The following NXPH1 variants were observed in gnomAD, a reference collection of about 807,000 sequenced individuals.
The protein encoded by NXPH1 is neurexophilin-1.
In NXPH1, 5 loss-of-function variants were observed where a neutral mutation model predicts 23.7. The observed-to-expected ratio is 0.21, with a 90% CI of 0.11 to 0.44. The LOEUF (loss-of-function observed/expected upper bound fraction) is 0.44, where lower values mean the gene tolerates loss of function less well. Ranked by LOEUF, NXPH1 falls within the 20% of genes least tolerant of loss-of-function variation. The pLI, the probability that NXPH1 is intolerant of heterozygous loss-of-function variation, is 0.99. For missense variants in NXPH1, 324 were observed against 321.6 expected (o/e 1.01, Z -0.06); for synonymous variants, 144 against 122.2 (o/e 1.18, Z -1.18).
intron 2 of NXPH1, among the ~76,000 whole-genome samples, chr7:8,598,460 CT>C (rs1819278133): frequency 1.3e-5 from 2 of 152,232 alleles, no homozygotes; most frequent in South Asian, 2.1e-4. Flanking sequence ...AGAAGGGAAG[CT>C]GCTATCTTTG....
At chr7:8,488,737 T>A (rs1419941256) in intron 2 of NXPH1, among the ~76,000 whole-genome samples, 1 of 152,172 alleles carries the variant, frequency 6.6e-6, no homozygotes, top group African/African-American at 2.4e-5. Context: ...AGTTTCTACA[T>A]CTGTAAAATG....
intron 2 of NXPH1, among the ~76,000 whole-genome samples, chr7:8,547,048 A>T (rs527331760): frequency 6.6e-6 from 1 of 151,520 alleles, no homozygotes; most frequent in East Asian, 2.0e-4. Flanking sequence ...CTAAACTGAG[A>T]TGGTTAGCAA....
rs141398091 is a variant in NXPH1 at position 8,553,048 on chromosome 7, C to A, written c.54+117281C>A. Among the ~76,000 whole-genome samples, 255 of 151,656 alleles carry A rather than the reference C, an allele frequency of 1.7e-3. 2 individuals are homozygous for A. Among genetic ancestry groups the A allele is most frequent in the African/African-American group, 5.8e-3 (239 of 41,474 alleles). ...AGAGAGCACATATGTACCAAATTCC[C>A]TTCCAGTGATCCCTTTTATAAAACT... On this transcript the variant is annotated intron_variant, in intron 2 of 2. Coordinates refer to ENST00000405863, the MANE Select transcript of NXPH1 (RefSeq NM_152745.3).
intron 2 of NXPH1, among the ~76,000 whole-genome samples, chr7:8,669,522 T>C (rs569047543): frequency 5.9e-5 from 9 of 152,186 alleles, no homozygotes; most frequent in African/African-American, 1.9e-4. Flanking sequence ...AGTCTGAGGG[T>C]ATTAGCCTGA....
Position 8,448,444 on chromosome 7 carries a change from C to G in NXPH1, c.54+12677C>G, listed in dbSNP as rs986739151. Reference sequence around the variant, plus strand: ...TTTCCTTCTTTCAGCTAGTTGATAGCTATATAGTTGCTCAGTGCTGCCCAG... The same window carrying G: ...TTTCCTTCTTTCAGCTAGTTGATAGGTATATAGTTGCTCAGTGCTGCCCAG... On this transcript the variant is annotated intron_variant, in intron 2 of 2. Coordinates refer to ENST00000405863, the MANE Select transcript of NXPH1 (RefSeq NM_152745.3). Among the ~76,000 whole-genome samples, 5 of 152,166 alleles carry G rather than the reference C, an allele frequency of 3.3e-5. No individual in the cohort carries two copies. In the East Asian group the frequency reaches 5.8e-4, roughly 18 times the overall value.
rs1253352384 is a variant in NXPH1 at position 8,728,503 on chromosome 7, A to C, written c.55-22505A>C. Reference sequence around the variant, plus strand: ...TCATAGATAGCTTTTATTATTTTGAAATATGTCCCATCCATACTTAATTTA... The same window carrying C: ...TCATAGATAGCTTTTATTATTTTGACATATGTCCCATCCATACTTAATTTA... On this transcript the variant is annotated intron_variant, in intron 2 of 2. Coordinates refer to ENST00000405863, the MANE Select transcript of NXPH1 (RefSeq NM_152745.3). Among the ~76,000 whole-genome samples the C allele has an allele frequency of 9.9e-5, 15 of 152,074 alleles. No individual in the cohort carries two copies. In the East Asian group the frequency reaches 2.5e-3, roughly 25 times the overall value.
chr7:8,731,679 G>A (rs180699307), intron 2 of NXPH1, among the ~76,000 whole-genome samples: 4 of 152,336 alleles, frequency 2.6e-5, no homozygotes, highest in Admixed American at 1.3e-4. Context: ...GGAACCAGTT[G>A]AAGAGGAAGT....
chr7:8,497,520 C>A (rs541105165), intron 2 of NXPH1, among the ~76,000 whole-genome samples: 1 of 152,212 alleles, frequency 6.6e-6, no homozygotes, highest in South Asian at 2.1e-4. Flanking sequence ...CTTTCCAGCA[C>A]CTGTTGTTTC....
intron 2 of NXPH1, among the ~76,000 whole-genome samples, chr7:8,534,147 G>T (rs1005320063): frequency 2.6e-5 from 4 of 152,016 alleles, no homozygotes; most frequent in African/African-American, 9.7e-5. Context: ...TTTATAGATG[G>T]GATTTCTCTA....
intron 2 of NXPH1, among the ~76,000 whole-genome samples, chr7:8,637,494 G>A (rs1820237446): frequency 6.6e-6 from 1 of 152,078 alleles, no homozygotes; most frequent in South Asian, 2.1e-4. Flanking sequence ...AAAGCGCTGG[G>A]GATTACAGGT....
At chr7:8,733,331 A>G (rs542527871) in intron 2 of NXPH1, among the ~76,000 whole-genome samples, 6 of 152,312 alleles carry the variant, frequency 3.9e-5, no homozygotes, top group African/African-American at 1.2e-4. Flanking sequence ...TAGTGCTGCA[A>G]TAAACATATG....
intron 2 of NXPH1, among the ~76,000 whole-genome samples, chr7:8,622,997 G>C (rs759924884): frequency 1.3e-5 from 2 of 152,160 alleles, no homozygotes; most frequent in Non-Finnish European, 2.9e-5. Flanking sequence ...TCCTTGAGGG[G>C]AGGACTTGGA....
At position 8,664,935 on chromosome 7, in the gene NXPH1, G is replaced by A. The variant is rs566351357; in HGVS notation, c.55-86073G>A. 4.0e-5 allele frequency among the ~76,000 whole-genome samples: 6 copies of A among 151,896 alleles called. No individual in the cohort carries two copies. In the South Asian group the frequency reaches 1.2e-3, roughly 31 times the overall value. On this transcript the variant is annotated intron_variant, in intron 2 of 2. Transcript: ENST00000405863. ...ATTTTGTGTTTTAATCTCTTATCAG[G>A]TGTGCAGTTTGCAAATATTTTCTCC...
At chr7:8,724,934 C>T (rs564154933) in intron 2 of NXPH1, among the ~76,000 whole-genome samples, 1 of 152,318 alleles carries the variant, frequency 6.6e-6, no homozygotes, top group South Asian at 2.1e-4. Context: ...AAGACCAAAG[C>T]AAAATCTAGC....
chr7:8,445,236 T>G (rs1169327642), intron 2 of NXPH1, among the ~76,000 whole-genome samples: 1 of 152,228 alleles, frequency 6.6e-6, no homozygotes, highest in Non-Finnish European at 1.5e-5. Context: ...AAGGACTATC[T>G]CTCTGAGATC....
chr7:8,747,197 G>A (rs1389576380), intron 2 of NXPH1, among the ~76,000 whole-genome samples: 2 of 152,252 alleles, frequency 1.3e-5, no homozygotes, highest in Middle Eastern at 3.4e-3. Context: ...TCACACAGCT[G>A]TTAAAGATCA....
At chr7:8,508,821 G>A (rs1176374415) in intron 2 of NXPH1, among the ~76,000 whole-genome samples, 2 of 152,006 alleles carry the variant, frequency 1.3e-5, no homozygotes, top group Admixed American at 6.6e-5. Flanking sequence ...AAGTCTCTGT[G>A]GAAGGAAGTT....
chr7:8,442,968 C>A lies in NXPH1; in HGVS notation c.54+7201C>A, dbSNP rs575705901. 4.6e-5 allele frequency among the ~76,000 whole-genome samples: 7 copies of A among 152,368 alleles called. No homozygotes were observed. Among genetic ancestry groups the A allele is most frequent in the Admixed American group, 3.9e-4 (6 of 15,314 alleles). On this transcript the variant is annotated intron_variant, in intron 2 of 2. Coordinates refer to ENST00000405863, the MANE Select transcript of NXPH1 (RefSeq NM_152745.3). This position sits in a 1 kb window ranked among gnomAD's most constrained non-coding sequence, Gnocchi z 4.6. ...GTGGGGCACGCCAGGGCCGGGAGAG[C>A]GACTCTTCAGCACCACGGCCAGCGC...
intron 2 of NXPH1, among the ~76,000 whole-genome samples, chr7:8,611,540 T>G (rs1583191603): frequency 6.6e-6 from 1 of 151,736 alleles, no homozygotes; most frequent in African/African-American, 2.4e-5. Flanking sequence ...AAGTGGAGGG[T>G]TTTTTCACCA....
Sources: gnomAD v4.1 joint callset for allele counts (sites outside exome capture counted in the v4.1 genomes callset) on GRCh38, gnomAD v4.1.1 for gene constraint, Gnocchi (gnomAD v3.1) non-coding constraint, MANE v1.5 for transcripts, NCBI Gene and HGNC (gene_info 2026-07-23, HGNC 2026-07-21) for gene names.